AARS1: variants seen among roughly 807,000 people sequenced by gnomAD.
AARS1 encodes the protein alanyl-tRNA synthetase 1.
Under a neutral mutation model 108.9 loss-of-function variants are expected in AARS1, and 72 were observed. The ratio of observed to expected loss-of-function variants is 0.66; its 90% CI spans 0.55 to 0.80. The LOEUF is 0.80. Among genes scored for constraint, AARS1 ranks in the 30% least tolerant of loss-of-function variants. The pLI is 0.00. For missense variants in AARS1, 1,193 were observed against 1,233.2 expected (o/e 0.97, Z 0.49); for synonymous variants, 489 against 465.7 (o/e 1.05, Z -0.64).
intron 16 of AARS1, among the ~76,000 whole-genome samples, chr16:70,255,235 C>G (rs565284617): frequency 6.9e-6 from 1 of 145,896 alleles, no homozygotes; most frequent in Admixed American, 6.8e-5. Context: ...AGTCTCGCCC[C>G]GTCACCCAAG....
In AARS1 at chr16:70,259,169, G is replaced by C. The variant is rs1383385977; in HGVS notation, c.1803C>G (p.Ile601Met). ...LFIDEPRRRP[I>M]MSNHTATHIL... The stretch of plus-strand genomic sequence containing the variant: ...TGTGCGTAGCTGTGTGGTTGCTCAT[G>C]ATGGGTCTTCGTCGGGGCTGGAAAG... The change falls in exon 14 of 21, where the codon ATC becomes ATG. Residue 601 changes from isoleucine to methionine, a missense_variant. Coordinates refer to ENST00000261772, the MANE Select transcript of AARS1 (RefSeq NM_001605.3). 1.2e-6 allele frequency: 2 copies of C among 1,614,028 alleles called. No individual in the cohort carries two copies. Among genetic ancestry groups the C allele is most frequent in the East Asian group, 2.2e-5 (1 of 44,892 alleles).
At chr16:70,256,463 C>T (rs1162545099) in intron 15 of AARS1, among the ~76,000 whole-genome samples, 1 of 152,106 alleles carries the variant, frequency 6.6e-6, no homozygotes, top group African/African-American at 2.4e-5. Context: ...GCCACCACTC[C>T]TAATTTTTGT....
Position 70,289,465 on chromosome 16 carries a change from G to T in AARS1, c.-66C>A, listed in dbSNP as rs1206733722. On this transcript the variant is annotated 5_prime_UTR_variant, in exon 1 of 21. Coordinates refer to ENST00000261772, the MANE Select transcript of AARS1 (RefSeq NM_001605.3). ...CCCAGCTCCTCCCTCAGAGTCCCCC[G>T]CCAAGGGCCCGCTGCACCTATTCCC... The T allele has an allele frequency of 2.4e-6, 1 of 423,128 alleles. No individual in the cohort carries two copies. The highest frequency in any genetic ancestry group is 4.8e-6 in the Non-Finnish European group (1 of 209,518). The allele number at this position is 423,128 out of a possible 1,614,324, so 26.2% of individuals were successfully genotyped here.
chr16:70,263,056 C>T (rs1246722453), intron 11 of AARS1, among the ~76,000 whole-genome samples: 1 of 147,468 alleles, frequency 6.8e-6, no homozygotes, highest in Admixed American at 6.9e-5. Flanking sequence ...AACACTCTGT[C>T]GGGTGACCAA....
At chr16:70,258,556 C>G (rs1960051673) in intron 14 of AARS1, among the ~76,000 whole-genome samples, 1 of 152,146 alleles carries the variant, frequency 6.6e-6, no homozygotes, top group Non-Finnish European at 1.5e-5. Context: ...TGGAGAATCA[C>G]TGCTTTAAAC....
At position 70,266,692 on chromosome 16, in the gene AARS1, T is replaced by A. The variant is rs577481363; in HGVS notation, c.1222+967A>T. ...GCCCGCCATCATGCATGGCTAATTTTTGCATTTTTAGTAGAGATGGGGTTT... is the reference window on the plus strand; with the variant it reads ...GCCCGCCATCATGCATGGCTAATTTATGCATTTTTAGTAGAGATGGGGTTT... On this transcript the variant is annotated intron_variant, in intron 9 of 20. Transcript: ENST00000261772. 4.2e-3 allele frequency among the ~76,000 whole-genome samples: 638 copies of A among 152,006 alleles called. 4 individuals are homozygous for A. The highest frequency in any genetic ancestry group is 6.8e-3 in the Middle Eastern group (2 of 294).
chr16:70,284,393 G>A (rs1960789797), intron 1 of AARS1, among the ~76,000 whole-genome samples: 1 of 151,466 alleles, frequency 6.6e-6, no homozygotes, highest in Non-Finnish European at 1.5e-5. Context: ...ACGAGGTCAG[G>A]AGATCAAGAC....
chr16:70,268,796 T>C (rs986263691), intron 7 of AARS1, among the ~76,000 whole-genome samples: 5 of 152,180 alleles, frequency 3.3e-5, no homozygotes, highest in African/African-American at 1.2e-4. Context: ...GCAGCAGAGA[T>C]TTAATATAGT....
At chr16:70,283,862 C>T (rs1420478767) in intron 1 of AARS1, among the ~76,000 whole-genome samples, 1 of 152,190 alleles carries the variant, frequency 6.6e-6, no homozygotes, top group Admixed American at 6.6e-5. Context: ...GCACAGCTTA[C>T]TGAAAGTGAA....
chr16:70,262,995 A>AAAAAAAAAAAAAAAAAC (rs1174659809), intron 11 of AARS1, among the ~76,000 whole-genome samples: 1 of 128,676 alleles, frequency 7.8e-6, no homozygotes, highest in Non-Finnish European at 1.5e-5. Flanking sequence ...AAAAAAAAAA[A>AAAAAAAAAAAAAAAAAC]AAACAACAAC....
At chr16:70,287,000 C>G (rs1383846099) in intron 1 of AARS1, among the ~76,000 whole-genome samples, 1 of 151,546 alleles carries the variant, frequency 6.6e-6, no homozygotes, top group African/African-American at 2.4e-5. Context: ...GCCTGTAATC[C>G]CAGCACTTTG....
rs1306626920 is a variant in AARS1, at chr16:70,272,094, C to G, written c.480-122G>C. ...GCACAGTGGCTCATGTTACTGCACT[C>G]CAGCCTAGACAACAGAGCGAGACTC... On this transcript the variant is annotated intron_variant, in intron 4 of 20. Transcript: ENST00000261772. 19 of 858,770 alleles carry G rather than the reference C, an allele frequency of 2.2e-5. 1 individual carries two copies. Among genetic ancestry groups the G allele is most frequent in the South Asian group, 1.2e-4 (9 of 72,566 alleles). 53.2% of individuals were successfully genotyped at this position (858,770 alleles called of 1,614,324 possible). A position where few individuals can be genotyped will look rare whatever the true frequency, so the allele number is the denominator to read the frequency against.
intron 1 of AARS1, among the ~76,000 whole-genome samples, chr16:70,288,834 TGGG>T (rs1960945992): frequency 2.0e-5 from 3 of 152,138 alleles, no homozygotes; most frequent in African/African-American, 7.2e-5. Context: ...CCCAAAGCGC[TGGG>T]ATTACAGGCG....
intron 12 of AARS1, among the ~76,000 whole-genome samples, 179 bp downstream of exon 12, chr16:70,262,167 C>T (rs965808540): frequency 6.6e-6 from 1 of 152,124 alleles, no homozygotes; most frequent in Non-Finnish European, 1.5e-5. Context: ...CGAGGGTACC[C>T]GATGGCCAGG....
chr16:70,280,618 G>A (rs975606430), intron 2 of AARS1, among the ~76,000 whole-genome samples: 1 of 152,126 alleles, frequency 6.6e-6, no homozygotes, highest in African/African-American at 2.4e-5. Context: ...ATGCCCCGGG[G>A]GAGCAGGGCT....
At position 70,277,171 on chromosome 16, in the gene AARS1, G is replaced by A. The variant is rs375832841; in HGVS notation, c.145-17C>T. On this transcript the variant is annotated splice_polypyrimidine_tract_variant and intron_variant, in intron 2 of 20. Coordinates refer to ENST00000261772, the MANE Select transcript of AARS1 (RefSeq NM_001605.3). ...GGGTTTAAACTAAAAGAGAAGGACA[G>A]CAGTTCAACTTTTAAAGGGTGCAAG... 24 of 1,613,366 alleles carry A rather than the reference G, an allele frequency of 1.5e-5. No individual in the cohort carries two copies. The highest frequency in any genetic ancestry group is 1.1e-4 in the African/African-American group (8 of 74,908).
In AARS1 at chr16:70,269,613, C is replaced by T; in HGVS notation, c.962+5G>A. Reference sequence around the variant, plus strand: ...CAAACACCACCCAGTGTGCAGCATACTTACCCACGCCCTGTGTTGTCAGGC... The same window carrying T: ...CAAACACCACCCAGTGTGCAGCATATTTACCCACGCCCTGTGTTGTCAGGC... On this transcript the variant is annotated splice_donor_5th_base_variant and intron_variant, in intron 7 of 20. Transcript: ENST00000261772. The T allele has an allele frequency of 1.9e-6, 3 of 1,613,900 alleles. No homozygotes were observed. Among genetic ancestry groups the T allele is most frequent in the Non-Finnish European group, 2.5e-6 (3 of 1,180,034 alleles).
chr16:70,277,285 T>C, intron 2 of AARS1, 131 bp from the exon 3 acceptor site: 1 of 1,026,478 alleles, frequency 9.7e-7, no homozygotes, highest in Non-Finnish European at 1.5e-6. Context: ...TATAGACACT[T>C]GTCAGAACAG....
chr16:70,254,840 T>G, intron 16 of AARS1, 106 bp from the exon 17 acceptor site: 1 of 734,956 alleles, frequency 1.4e-6, no homozygotes. Context: ...TGCAGCAACA[T>G]ACCCCAACAC....
Sources: gnomAD v4.1 joint callset for allele counts (sites outside exome capture counted in the v4.1 genomes callset) on GRCh38, gnomAD v4.1.1 for gene constraint, MANE v1.5 for transcripts, NCBI Gene and HGNC (gene_info 2026-07-23, HGNC 2026-07-21) for gene names.